TAF4B: variants seen among roughly 807,000 people sequenced by gnomAD.
TAF4B encodes the protein transcription initiation factor TFIID subunit 4B.
A neutral mutation model predicts 86.4 loss-of-function variants in TAF4B; 38 were observed. That is an observed-to-expected ratio of 0.44 (90% CI 0.34 to 0.58). The LOEUF (loss-of-function observed/expected upper bound fraction) is 0.58, where lower values mean the gene tolerates loss of function less well. Ranked by LOEUF, TAF4B falls within the 20% of genes least tolerant of loss-of-function variation. The pLI is 0.02. For synonymous variants in TAF4B, 388 were observed against 391.2 expected, an observed-to-expected ratio of 0.99 and a Z score of 0.10; for missense variants, 988 against 1,027.6, an observed-to-expected ratio of 0.96 and a Z score of 0.53.
intron 1 of TAF4B, among the ~76,000 whole-genome samples, chr18:26,250,309 AAC>A (rs2055986757): frequency 1.3e-5 from 2 of 152,044 alleles, no homozygotes; most frequent in Non-Finnish European, 2.9e-5. Flanking sequence ...TGTCCTGGCT[AAC>A]ACGGTGAAAC....
intron 1 of TAF4B, among the ~76,000 whole-genome samples, chr18:26,238,160 C>T (rs9652976): frequency 0.042 from 6,398 of 152,180 alleles, 423 homozygotes; most frequent in African/African-American, 0.15. Flanking sequence ...CAAGAAAAAT[C>T]GGATTTAGTG....
At chr18:26,323,387 GCTGGAGTGCAGTGGTGCAATCATAGCT>G (rs2056978290) in intron 11 of TAF4B, among the ~76,000 whole-genome samples, 1 of 151,988 alleles carries the variant, frequency 6.6e-6, no homozygotes, top group South Asian at 2.1e-4. Flanking sequence ...TGTCATCCAG[GCTGGAGTGCAGTGGTGCAATCATAGCT>G]CATTGCAACC....
At chr18:26,315,139 T>A (rs2056892094) in intron 9 of TAF4B, 90 bp from the exon 10 acceptor site, 8 of 368,250 alleles carry the variant, frequency 2.2e-5, no homozygotes, top group South Asian at 6.2e-5. Flanking sequence ...TCTCTCTCTC[T>A]CTCTCTGTCT....
At chr18:26,241,934 C>G (rs944519778) in intron 1 of TAF4B, among the ~76,000 whole-genome samples, 3 of 152,000 alleles carry the variant, frequency 2.0e-5, no homozygotes, top group Non-Finnish European at 4.4e-5. Flanking sequence ...GTTTGATTGC[C>G]CTGTGGTCTG....
chr18:26,239,923 CTCTGT>C (rs886494854), intron 1 of TAF4B, among the ~76,000 whole-genome samples: 3 of 152,164 alleles, frequency 2.0e-5, no homozygotes, highest in Non-Finnish European at 2.9e-5. Flanking sequence ...TTTCTGAGGG[CTCTGT>C]TCTGTTCCAT....
At chr18:26,351,967 C>G (rs185720948) in intron 13 of TAF4B, among the ~76,000 whole-genome samples, 2 of 152,006 alleles carry the variant, frequency 1.3e-5, no homozygotes, top group East Asian at 3.9e-4. Flanking sequence ...TGATGCTGAG[C>G]AGATTGAAAA....
In TAF4B at chr18:26,257,842, C is replaced by CAT. The variant is rs1051472058; in HGVS notation, c.344-7328_344-7327insAT. ...TTCATTTCTGGCTTTCCTCTGCGTG[C>CAT]GTGTGTGTGTGTGTGTGTGTGTGTG... On this transcript the variant is annotated intron_variant, in intron 1 of 14. Transcript: ENST00000269142. Among the ~76,000 whole-genome samples the CAT allele has an allele frequency of 4.2e-5, 6 of 141,436 alleles. No individual in the cohort carries two copies. The South Asian group carries it at 7.2e-4, about 17-fold the overall frequency. 92.8% of individuals were successfully genotyped at this position (141,436 alleles called of 152,430 possible). A position where few individuals can be genotyped will look rare whatever the true frequency, so the allele number is the denominator to read the frequency against.
At position 26,238,600 on chromosome 18, in the gene TAF4B, T is replaced by A. The variant is rs145251729; in HGVS notation, c.343+11324T>A. On this transcript the variant is annotated intron_variant, in intron 1 of 14. Transcript: ENST00000269142. ...AACTAATATTTATACCTTTTTTTTT[T>A]AAATTATACTTTAAGTTCTAGGGTA... 7.2e-3 allele frequency among the ~76,000 whole-genome samples: 1,090 copies of A among 152,158 alleles called. 18 individuals carry two copies. Among genetic ancestry groups the A allele is most frequent in the East Asian group, 0.04 (205 of 5,178 alleles).
At chr18:26,241,791 T>C (rs994575103) in intron 1 of TAF4B, among the ~76,000 whole-genome samples, 1 of 152,240 alleles carries the variant, frequency 6.6e-6, no homozygotes, top group African/African-American at 2.4e-5. Flanking sequence ...TGTGTCTTTG[T>C]TCTCATTGGT....
intron 7 of TAF4B, among the ~76,000 whole-genome samples, chr18:26,288,826 A>G (rs990472995): frequency 6.6e-6 from 1 of 152,218 alleles, no homozygotes; most frequent in Non-Finnish European, 1.5e-5. Context: ...GACTTGTTAT[A>G]CATTATAAAT....
At chr18:26,388,838 CAG>C (rs1378745368) in intron 14 of TAF4B, among the ~76,000 whole-genome samples, 4 of 152,176 alleles carry the variant, frequency 2.6e-5, no homozygotes, top group Admixed American at 6.5e-5. Flanking sequence ...TTTTTTGAGA[CAG>C]AGTCTTGCTC....
chr18:26,276,669 C>T (rs1445916894), intron 5 of TAF4B, among the ~76,000 whole-genome samples: 2 of 152,128 alleles, frequency 1.3e-5, no homozygotes, highest in Non-Finnish European at 2.9e-5. Flanking sequence ...TAAAATACCT[C>T]ATACTAACAA....
At chr18:26,363,454 G>A (rs2057346568) in intron 14 of TAF4B, among the ~76,000 whole-genome samples, 1 of 151,690 alleles carries the variant, frequency 6.6e-6, no homozygotes, top group South Asian at 2.1e-4. Flanking sequence ...GCTTAGGAGG[G>A]AGGATAGCTT....
intron 1 of TAF4B, chr18:26,256,045 G>A (rs2056079290): frequency 1.6e-6 from 2 of 1,280,612 alleles, no homozygotes; most frequent in Admixed American, 3.4e-5. Flanking sequence ...TGATATGGTT[G>A]CTCTTTATCT....
At chr18:26,314,022 T>TC (rs1368557439) in intron 9 of TAF4B, among the ~76,000 whole-genome samples, 3 of 152,174 alleles carry the variant, frequency 2.0e-5, no homozygotes, top group African/African-American at 7.2e-5. Flanking sequence ...TGAGTTCTTT[T>TC]CCCCCTCATC....
intron 1 of TAF4B, among the ~76,000 whole-genome samples, chr18:26,249,480 A>ATC: frequency 6.6e-6 from 1 of 151,906 alleles, no homozygotes; most frequent in Admixed American, 6.6e-5. Flanking sequence ...TCTCTCTCAA[A>ATC]AAAAAAAAAG....
intron 3 of TAF4B, among the ~76,000 whole-genome samples, chr18:26,269,054 C>G (rs1218418595): frequency 6.6e-6 from 1 of 152,186 alleles, no homozygotes; most frequent in East Asian, 1.9e-4. Flanking sequence ...GAACTCTTGA[C>G]CAAGTAATCC....
chr18:26,227,136 C>T lies in TAF4B; in HGVS notation c.203C>T (p.Thr68Ile), dbSNP rs781247197. 6.2e-7 allele frequency: 1 copy of T among 1,613,884 alleles called. No homozygotes were observed. Among genetic ancestry groups the T allele is most frequent in the Non-Finnish European group, 8.5e-7 (1 of 1,179,922 alleles). The change falls in exon 1 of 15, where the codon ACC (threonine) becomes ATC (isoleucine). Residue 68 changes from threonine (T) to isoleucine (I), a missense_variant. Physicochemically the swap from Thr to Ile is moderately conservative, Grantham distance 89. Around this residue, in one of 3 missense-constraint regions of TAF4B, gnomAD observed 747 missense variants for 737.9 expected, o/e 1.01. Coordinates refer to ENST00000269142, the MANE Select transcript of TAF4B (RefSeq NM_005640.3). ...ASQPLRSPVG[T>I]LVTKVAPVSA... is the part of the protein sequence containing the mutation. ...CAGCCCCTGCGGTCCCCCGTGGGGA[C>T]CCTGGTGACCAAAGTGGCTCCGGTC...
At chr18:26,281,893 A>C (rs1311700415) in intron 5 of TAF4B, 78 bp from the exon 6 acceptor site, 1 of 1,099,538 alleles carries the variant, frequency 9.1e-7, no homozygotes, top group African/African-American at 1.6e-5. Flanking sequence ...TGCTATGTCT[A>C]CAATCATGAA....
Sources: gnomAD v4.1 joint callset for allele counts (sites outside exome capture counted in the v4.1 genomes callset) on GRCh38, gnomAD v4.1.1 for gene constraint, gnomAD v4.1.1 regional missense constraint, MANE v1.5 for transcripts, NCBI Gene and HGNC (gene_info 2026-07-23, HGNC 2026-07-21) for gene names.